Variants in MYO5B observed in about 807,000 individuals in gnomAD.
MYO5B encodes the protein unconventional myosin-Vb.
A neutral mutation model predicts 229.3 loss-of-function variants in MYO5B; 143 were observed. That is an observed-to-expected ratio of 0.62 (90% CI 0.54 to 0.72). MYO5B has a LOEUF of 0.72. Among genes scored for constraint, MYO5B ranks in the 30% least tolerant of loss-of-function variants. The pLI, the probability that MYO5B is intolerant of heterozygous loss-of-function variation, is 0.00. For missense variants in MYO5B, 2,321 were observed against 2,331.0 expected, an observed-to-expected ratio of 1.00 and a Z score of 0.09; for synonymous variants, 918 against 885.2, an observed-to-expected ratio of 1.04 and a Z score of -0.66.
intron 22 of MYO5B, among the ~76,000 whole-genome samples, chr18:49,891,254 C>T (rs796108710): frequency 8.5e-5 from 13 of 152,328 alleles, no homozygotes; most frequent in African/African-American, 2.6e-4. Flanking sequence ...ATCTTCTCCC[C>T]TTACTCAGAT....
intron 4 of MYO5B, among the ~76,000 whole-genome samples, chr18:50,019,755 G>C (rs1387827564): frequency 6.6e-6 from 1 of 152,180 alleles, no homozygotes; most frequent in African/African-American, 2.4e-5. Flanking sequence ...CAAATTCAAG[G>C]CAGGGCCCAG....
intron 17 of MYO5B, among the ~76,000 whole-genome samples, chr18:49,915,500 C>T (rs1223271331): frequency 6.6e-6 from 1 of 152,244 alleles, no homozygotes; most frequent in Non-Finnish European, 1.5e-5. Flanking sequence ...GCTTAGAGCA[C>T]CGAGGCCTCT....
Position 49,980,800 on chromosome 18 carries a change from G to A in MYO5B, c.947-247C>T, listed in dbSNP as rs1012995587. Reference sequence around the variant, plus strand: ...ATGATCGTCCTGACCAAATCAGATGGGTCAAGCTGCCATTTTAACTTCTCA... The same window carrying A: ...ATGATCGTCCTGACCAAATCAGATGAGTCAAGCTGCCATTTTAACTTCTCA... On this transcript the variant is annotated intron_variant, in intron 8 of 39. Coordinates refer to ENST00000285039, the MANE Select transcript of MYO5B (RefSeq NM_001080467.3). 6.0e-5 allele frequency among the ~76,000 whole-genome samples: 9 copies of A among 149,430 alleles called. No homozygotes were observed. In the Admixed American group the frequency reaches 6.0e-4, roughly 10 times the overall value.
chr18:49,936,186 G>T, intron 16 of MYO5B, 66 bp downstream of exon 16: 1 of 1,403,264 alleles, frequency 7.1e-7, no homozygotes, highest in Non-Finnish European at 9.9e-7. Flanking sequence ...GCAAGGCCTG[G>T]GCCACCCTGT....
intron 12 of MYO5B, among the ~76,000 whole-genome samples, chr18:49,957,142 C>A (rs920555087): frequency 3.6e-3 from 211 of 58,578 alleles, no homozygotes; most frequent in South Asian, 7.6e-3. Flanking sequence ...AATAAAGTAG[C>A]AAAAAAAAAA....
intron 4 of MYO5B, among the ~76,000 whole-genome samples, chr18:50,028,037 G>A (rs2026349588): frequency 6.6e-6 from 1 of 152,018 alleles, no homozygotes; most frequent in Non-Finnish European, 1.5e-5. Context: ...TTTGAAAAAA[G>A]AAAAAACACA....
At chr18:49,879,734 T>C (rs2024566055) in intron 23 of MYO5B, among the ~76,000 whole-genome samples, 2 of 152,144 alleles carry the variant, frequency 1.3e-5, no homozygotes, top group African/African-American at 4.8e-5. Context: ...AAGCAGAAAC[T>C]GGGGTCTGTG....
chr18:49,942,365 A>T (rs577780775), intron 14 of MYO5B, among the ~76,000 whole-genome samples: 1 of 141,446 alleles, frequency 7.1e-6, no homozygotes, highest in African/African-American at 2.7e-5. Flanking sequence ...ATTAAACTAA[A>T]GAGCTTCTGC....
intron 4 of MYO5B, among the ~76,000 whole-genome samples, chr18:50,025,830 C>G (rs1054172257): frequency 1.3e-5 from 2 of 152,176 alleles, no homozygotes; most frequent in African/African-American, 4.8e-5. Flanking sequence ...CCACAAAGAT[C>G]ACTGCATATG....
chr18:50,085,080 A>T (rs1226234965), intron 1 of MYO5B, among the ~76,000 whole-genome samples: 1 of 152,214 alleles, frequency 6.6e-6, no homozygotes, highest in East Asian at 1.9e-4. Flanking sequence ...TAATTAAACT[A>T]AAGAGCTTCT....
At chr18:49,939,904 T>C (rs576846231) in intron 14 of MYO5B, among the ~76,000 whole-genome samples, 24 of 152,350 alleles carry the variant, frequency 1.6e-4, no homozygotes, top group African/African-American at 5.8e-4. Context: ...CATCATCTCC[T>C]GAGACTTGTA....
intron 1 of MYO5B, among the ~76,000 whole-genome samples, chr18:50,133,894 C>T (rs532676350): frequency 6.6e-6 from 1 of 152,218 alleles, no homozygotes; most frequent in Non-Finnish European, 1.5e-5. Context: ...CAAAAGGGAG[C>T]AATCTTTGAG....
intron 31 of MYO5B, chr18:49,850,813 CT>C (rs1444611138): frequency 2.6e-5 from 4 of 152,758 alleles, no homozygotes; most frequent in African/African-American, 9.6e-5. Flanking sequence ...CCACCCCTGC[CT>C]CGTGTTCATA....
intron 10 of MYO5B, among the ~76,000 whole-genome samples, chr18:49,963,435 T>A (rs904053127): frequency 6.6e-5 from 10 of 151,978 alleles, no homozygotes; most frequent in African/African-American, 2.4e-4. Flanking sequence ...TTTATTTATT[T>A]ATTTTGAGAC....
chr18:49,942,764 G>C (rs1321141613), intron 14 of MYO5B, among the ~76,000 whole-genome samples: 1 of 152,032 alleles, frequency 6.6e-6, no homozygotes, highest in African/African-American at 2.4e-5. Context: ...TACACTGTTG[G>C]TGGGACTGTA....
At chr18:49,839,380 T>G in intron 35 of MYO5B, 86 bp from the exon 36 acceptor site, 3 of 1,522,658 alleles carry the variant, frequency 2.0e-6, no homozygotes, top group Non-Finnish European at 2.7e-6. Context: ...TTTAGTCATC[T>G]ATTTGGTGGG....
chr18:49,878,608 C>T (rs1350885767), intron 24 of MYO5B, among the ~76,000 whole-genome samples: 1 of 152,140 alleles, frequency 6.6e-6, no homozygotes, highest in Non-Finnish European at 1.5e-5. Context: ...CTCTGCCACA[C>T]ACACACTAAT....
chr18:50,038,363 C>T (rs2029901594), intron 3 of MYO5B, among the ~76,000 whole-genome samples: 1 of 152,120 alleles, frequency 6.6e-6, no homozygotes, highest in Non-Finnish European at 1.5e-5. Flanking sequence ...TGTAATAAAC[C>T]AGATTATTCC....
chr18:50,000,904 G>A (rs896639567), intron 5 of MYO5B, among the ~76,000 whole-genome samples: 4 of 152,140 alleles, frequency 2.6e-5, no homozygotes, highest in African/African-American at 7.2e-5. Context: ...GGCCCTCAAA[G>A]CTTCTAAGAG....
Sources: gnomAD v4.1 joint callset for allele counts (sites outside exome capture counted in the v4.1 genomes callset) on GRCh38, gnomAD v4.1.1 for gene constraint, MANE v1.5 for transcripts, NCBI Gene and HGNC (gene_info 2026-07-23, HGNC 2026-07-21) for gene names.